NLRC4: variants seen among roughly 807,000 people sequenced by gnomAD.
The protein encoded by NLRC4 is NLR family CARD domain-containing protein 4.
Under a neutral mutation model 79.9 loss-of-function variants are expected in NLRC4, and 63 were observed. The observed-to-expected ratio is 0.79, with a 90% confidence interval of 0.64 to 0.97. The LOEUF (loss-of-function observed/expected upper bound fraction) is 0.97. Among genes scored for constraint, NLRC4 ranks in the 50% least tolerant of loss-of-function variants. The pLI, the probability that NLRC4 is intolerant of heterozygous loss-of-function variation, is 0.00. For missense variants in NLRC4, 1,074 were observed against 1,215.2 expected, an observed-to-expected ratio of 0.88 and a Z score of 1.73; for synonymous variants, 461 against 456.5, an observed-to-expected ratio of 1.01 and a Z score of -0.12.
chr2:32,234,157 G>A (rs780033217), intron 8 of NLRC4, among the ~76,000 whole-genome samples: 2 of 152,072 alleles, frequency 1.3e-5, no homozygotes, highest in Non-Finnish European at 2.9e-5. Flanking sequence ...CAGGGCAGGC[G>A]GATCACGAGG....
intron 8 of NLRC4, among the ~76,000 whole-genome samples, chr2:32,231,583 GGT>G (rs1305827057): frequency 4.9e-5 from 5 of 102,100 alleles, no homozygotes; most frequent in African/African-American, 1.8e-4. Flanking sequence ...GTGGGGGGGG[GGT>G]GGGGGACTGG....
chr2:32,225,299 C>T (rs775062510), intron 8 of NLRC4, among the ~76,000 whole-genome samples: 12 of 152,040 alleles, frequency 7.9e-5, no homozygotes, highest in Non-Finnish European at 1.6e-4. Flanking sequence ...CAGGAAGTTC[C>T]TCCATTCCTT....
At chr2:32,237,835 T>G (rs1027300216) in intron 6 of NLRC4, among the ~76,000 whole-genome samples, 1 of 152,218 alleles carries the variant, frequency 6.6e-6, no homozygotes, top group Non-Finnish European at 1.5e-5. Flanking sequence ...CAGTAAATTA[T>G]ATGACCGGTT....
At chr2:32,260,213 C>CAAAAAAAAAAAAAAAAAAAAAAAAA (rs1197388989) in intron 1 of NLRC4, among the ~76,000 whole-genome samples, 1 of 75,078 alleles carries the variant, frequency 1.3e-5, no homozygotes, top group Non-Finnish European at 2.3e-5. Flanking sequence ...TGGGCAACGA[C>CAAAAAAAAAAAAAAAAAAAAAAAAA]AAAAAAAAAA....
At chr2:32,228,257 G>C (rs1294543674) in intron 8 of NLRC4, among the ~76,000 whole-genome samples, 2 of 152,176 alleles carry the variant, frequency 1.3e-5, no homozygotes, top group Non-Finnish European at 2.9e-5. Flanking sequence ...TTTGTTCCCA[G>C]AACACTTGCA....
Position 32,250,019 on chromosome 2 carries a change from G to A in NLRC4, c.1845C>T (p.Asp615=). 2 of 1,614,206 alleles carry A rather than the reference G, an allele frequency of 1.2e-6. No individual in the cohort carries two copies. Among genetic ancestry groups the A allele is most frequent in the South Asian group, 2.2e-5 (2 of 91,082 alleles). ...ATGAAGCCATAGCTCCCCCATAAAAGTCCAGTTTAATGAAGTCCAGGGCAC... is the reference window on the plus strand; with the variant it reads ...ATGAAGCCATAGCTCCCCCATAAAAATCCAGTTTAATGAAGTCCAGGGCAC... The part of the protein sequence containing the change: ...CASALDFIKL[D]FYGGAMASWE... The change falls in exon 4 of 9, where the codon GAC becomes GAT. Residue 615 remains aspartate (D), a synonymous_variant. Transcript: ENST00000402280. This position sits in a 1 kb window ranked among gnomAD's most constrained non-coding sequence, Gnocchi z 4.9.
chr2:32,248,862 A>G (rs1318163560), intron 4 of NLRC4, among the ~76,000 whole-genome samples: 7 of 152,252 alleles, frequency 4.6e-5, no homozygotes, highest in Non-Finnish European at 1.5e-5. Flanking sequence ...CAAGATAAGC[A>G]ATATTGATAG....
intron 1 of NLRC4, among the ~76,000 whole-genome samples, chr2:32,261,326 T>TTTTTTTTTTTTTTTTTTTTTTTTTTG (rs1687344769): frequency 9.0e-6 from 1 of 110,530 alleles, no homozygotes; most frequent in African/African-American, 3.5e-5. Flanking sequence ...CTTTTGTTTT[T>TTTTTTTTTTTTTTTTTTTTTTTTTTG]TTTTGAGATG....
intron 5 of NLRC4, 63 bp downstream of exon 5, chr2:32,240,970 C>G: frequency 9.9e-7 from 1 of 1,011,962 alleles, no homozygotes; most frequent in Non-Finnish European, 1.6e-6. Flanking sequence ...ATGTCAGAGC[C>G]TGAAGTTAAC....
At chr2:32,229,390 A>G (rs1023330378) in intron 8 of NLRC4, among the ~76,000 whole-genome samples, 39 of 152,292 alleles carry the variant, frequency 2.6e-4, no homozygotes, top group Non-Finnish European at 4.6e-4. Context: ...CTTGAGATTC[A>G]GAGAAGCGAA....
intron 8 of NLRC4, among the ~76,000 whole-genome samples, chr2:32,234,965 A>T (rs373029433): frequency 2.9e-4 from 44 of 152,378 alleles, no homozygotes; most frequent in Middle Eastern, 3.4e-3. Context: ...TCAGTCATTT[A>T]TATAGATCTA....
At chr2:32,236,192 G>T in intron 7 of NLRC4, 55 bp downstream of exon 7, 1 of 1,106,022 alleles carries the variant, frequency 9.0e-7, no homozygotes. Flanking sequence ...TATGTATTTC[G>T]ACTACCCAGT....
chr2:32,256,553 C>T (rs1472037371), intron 2 of NLRC4, among the ~76,000 whole-genome samples: 1 of 152,230 alleles, frequency 6.6e-6, no homozygotes, highest in Non-Finnish European at 1.5e-5. Flanking sequence ...TTAAAACATA[C>T]ACCTGGTCAC....
At position 32,252,555 on chromosome 2, in the gene NLRC4, G is replaced by A. The variant is rs199789168; in HGVS notation, c.126C>T (p.Cys42=). 1.9e-5 allele frequency: 30 copies of A among 1,614,202 alleles called. No individual in the cohort carries two copies. The African/African-American group carries it at 3.7e-4, about 20-fold the overall frequency. The part of the protein sequence containing the change: ...VLNREEVNII[C]CEKVEQDAAR... ...CAGCATCCTGCTCCACCTTCTCGCAGCAAATGATGTTTACTTCTTCGCGAT... is the reference window on the plus strand; with the variant it reads ...CAGCATCCTGCTCCACCTTCTCGCAACAAATGATGTTTACTTCTTCGCGAT... Residue 42 remains cysteine, a synonymous_variant, in exon 3 of 9, where the codon TGC becomes TGT. Coordinates refer to ENST00000402280, the MANE Select transcript of NLRC4 (RefSeq NM_001199138.2).
At chr2:32,228,055 T>C (rs1686444727) in intron 8 of NLRC4, among the ~76,000 whole-genome samples, 1 of 152,210 alleles carries the variant, frequency 6.6e-6, no homozygotes. Flanking sequence ...GCAACATCTT[T>C]AGTGCTACTA....
intron 8 of NLRC4, among the ~76,000 whole-genome samples, chr2:32,225,028 G>T (rs1686345875): frequency 1.3e-5 from 2 of 152,070 alleles, no homozygotes; most frequent in African/African-American, 4.8e-5. Flanking sequence ...ATATGTAAAT[G>T]AATTACTTTT....
chr2:32,256,887 C>A lies in NLRC4; in HGVS notation c.-112G>T. The A allele has an allele frequency of 1.4e-6, 1 of 694,782 alleles. No individual in the cohort carries two copies. Among genetic ancestry groups the A allele is most frequent in the South Asian group, 1.6e-5 (1 of 64,214 alleles). 43.0% of individuals were successfully genotyped at this position (694,782 alleles called of 1,614,324 possible). On this transcript the variant is annotated 5_prime_UTR_variant, in exon 2 of 9. The change creates a premature stop within an existing upstream ORF in the 5' untranslated region. Transcript: ENST00000402280. ...GTCCTCTTTTTTCTGTAAAACTACTCTTCATTCTGTAAAACAAACAAAACA... is the reference window on the plus strand; with the variant it reads ...GTCCTCTTTTTTCTGTAAAACTACTATTCATTCTGTAAAACAAACAAAACA...
At chr2:32,248,416 T>G (rs1164091097) in intron 4 of NLRC4, among the ~76,000 whole-genome samples, 1 of 152,186 alleles carries the variant, frequency 6.6e-6, no homozygotes, top group Non-Finnish European at 1.5e-5. Flanking sequence ...GACATAGAGA[T>G]CATAAGACTA....
At chr2:32,226,033 C>A (rs982618560) in intron 8 of NLRC4, among the ~76,000 whole-genome samples, 1 of 152,068 alleles carries the variant, frequency 6.6e-6, no homozygotes, top group African/African-American at 2.4e-5. Flanking sequence ...GTGAGAAGAC[C>A]ACTAAAGAGT....
Sources: allele counts gnomAD v4.1 joint callset (sites outside exome capture counted in the v4.1 genomes callset), GRCh38; gene constraint gnomAD v4.1.1; non-coding constraint Gnocchi (gnomAD v3.1); transcripts MANE v1.5; gene names NCBI Gene and HGNC (gene_info 2026-07-23, HGNC 2026-07-21).